FMO5: variants seen among roughly 807,000 people sequenced by gnomAD.
The protein encoded by FMO5 is flavin containing dimethylaniline monoxygenase 5.
FMO5 carries 51 observed loss-of-function variants against 43.6 expected under a neutral mutation model. The observed-to-expected ratio is 1.17, with a 90% CI of 0.93 to 1.48. The LOEUF (loss-of-function observed/expected upper bound fraction) is 1.48, where lower values mean the gene tolerates loss of function less well. FMO5 is among the 40% of genes most tolerant of loss of function. The pLI is 0.00. For synonymous variants in FMO5, 187 were observed against 216.5 expected (o/e 0.86, Z 1.20); for missense variants, 644 against 643.0 (o/e 1.00, Z -0.02).
Position 147,186,951 on chromosome 1 carries a change from G to A in FMO5, c.1551C>T (p.Gly517=). ...AGAAGGCAAGAGCTAGCATAAACTT[G>A]CCTATTGTCATTGTTGAAGTCATAG... is the stretch of plus-strand genomic sequence containing the variant. ...SSSMTSTMTI[G]KFMLALAFFA... is the part of the protein sequence containing the mutation. Residue 517 remains glycine (G), a synonymous_variant, in exon 9 of 9, where the codon GGC becomes GGT. Coordinates refer to ENST00000254090, the MANE Select transcript of FMO5 (RefSeq NM_001461.4). The A allele has an allele frequency of 6.2e-7, 1 of 1,614,152 alleles. No homozygotes were observed. The highest frequency in any genetic ancestry group is 8.5e-7 in the Non-Finnish European group (1 of 1,180,006).
At chr1:147,204,127 A>T in intron 6 of FMO5, 1 of 1,045,980 alleles carries the variant, frequency 9.6e-7, no homozygotes, top group Non-Finnish European at 1.5e-6. Flanking sequence ...CTTCTCCCTT[A>T]CTTAAATTCA....
chr1:147,224,754 C>T (rs1465138104), intron 2 of FMO5, 141 bp downstream of exon 2: 3 of 719,988 alleles, frequency 4.2e-6, no homozygotes, highest in East Asian at 2.6e-5. Flanking sequence ...TCGTGATCCG[C>T]CCGCCTCGGC....
At chr1:147,195,398 G>A (rs587641385) in intron 7 of FMO5, among the ~76,000 whole-genome samples, 1 of 152,118 alleles carries the variant, frequency 6.6e-6, no homozygotes, top group South Asian at 2.1e-4. Context: ...ATCCCAAGGT[G>A]CTGGGATTAC....
At chr1:147,224,824 A>G in intron 2 of FMO5, 71 bp downstream of exon 2, 1 of 1,489,122 alleles carries the variant, frequency 6.7e-7, no homozygotes, top group Non-Finnish European at 9.4e-7. Context: ...TGACACTGTT[A>G]AGATAAACTG....
At chr1:147,226,730 T>C (rs2102141725), upstream of FMO5, among the ~76,000 whole-genome samples, 1 of 152,342 alleles carries the variant, frequency 6.6e-6, no homozygotes, top group East Asian at 1.9e-4. Flanking sequence ...ATCTTGGACT[T>C]TTTCATGAGA....
chr1:147,215,581 T>C, intron 3 of FMO5, 173 bp downstream of exon 3: 1 of 549,836 alleles, frequency 1.8e-6, no homozygotes. Context: ...AGACTGTCCC[T>C]TGAATATTTT....
intron 7 of FMO5, among the ~76,000 whole-genome samples, chr1:147,197,454 G>T (rs1479511486): frequency 6.6e-6 from 1 of 152,100 alleles, no homozygotes; most frequent in African/African-American, 2.4e-5. Flanking sequence ...ATCTTATCTT[G>T]AATTTTGGGT....
At chr1:147,184,340 T>C (rs782715056), downstream of FMO5, 25 of 817,748 alleles carry the variant, frequency 3.1e-5, no homozygotes, top group Middle Eastern at 4.1e-4. This position sits in a 1 kb window ranked among gnomAD's most constrained non-coding sequence, Gnocchi z 4.4. Context: ...GTTGACATTT[T>C]ACATTCCTCT....
At chr1:147,220,319 A>G (rs1368460421) in intron 2 of FMO5, among the ~76,000 whole-genome samples, 1 of 152,224 alleles carries the variant, frequency 6.6e-6, no homozygotes, top group Admixed American at 6.5e-5. Flanking sequence ...ATGGAGAGAT[A>G]TTCTGATTCA....
intron 7 of FMO5, among the ~76,000 whole-genome samples, chr1:147,192,358 T>C (rs1346883736): frequency 6.6e-6 from 1 of 152,136 alleles, no homozygotes; most frequent in South Asian, 2.1e-4. Context: ...TGTACATTGA[T>C]TTTGTATCCT....
intron 5 of FMO5, among the ~76,000 whole-genome samples, chr1:147,211,840 G>T (rs1361077806): frequency 6.6e-6 from 1 of 152,218 alleles, no homozygotes; most frequent in Non-Finnish European, 1.5e-5. Context: ...GCCAGGGCAA[G>T]CTGCTTGCAT....
intron 6 of FMO5, among the ~76,000 whole-genome samples, chr1:147,206,816 GACAAGTTA>G (rs1660159359): frequency 3.4e-5 from 1 of 29,228 alleles, no homozygotes; most frequent in African/African-American, 8.3e-4. Flanking sequence ...TGATGTAAAT[GACAAGTTA>G]ATGGATGTAA....
chr1:147,202,882 GC>G (rs1452340741), intron 6 of FMO5, among the ~76,000 whole-genome samples: 1 of 151,998 alleles, frequency 6.6e-6, no homozygotes, highest in African/African-American at 2.4e-5. Context: ...TGGTCACCAA[GC>G]CTTTTCCCTT....
chr1:147,207,631 A>T (rs1322382562), intron 6 of FMO5, among the ~76,000 whole-genome samples: 1 of 152,164 alleles, frequency 6.6e-6, no homozygotes, highest in African/African-American at 2.4e-5. Context: ...CTCAGTTTTT[A>T]TATTTGTAAA....
chr1:147,210,539 G>C (rs1660912748), intron 5 of FMO5: 1 of 152,078 alleles, frequency 6.6e-6, no homozygotes, highest in South Asian at 2.1e-4. Flanking sequence ...TGATAATTAT[G>C]TACTTCCACA....
chr1:147,212,525 C>T lies in FMO5; in HGVS notation c.498G>A (p.Lys166=), dbSNP rs782026224. The change falls in exon 5 of 9, where the codon AAG becomes AAA. Residue 166 remains lysine, a synonymous_variant. Coordinates refer to ENST00000254090, the MANE Select transcript of FMO5 (RefSeq NM_001461.4). ...GACTGTGGAAGTACTGCCCTTTGAA[C>T]TTCTCAATTCCTGCAAGAGAAGGGA... ...LPLESFPGIE[K]FKGQYFHSRD... The T allele has an allele frequency of 1.2e-6, 2 of 1,612,498 alleles. No individual in the cohort carries two copies. The highest frequency in any genetic ancestry group is 1.7e-6 in the Non-Finnish European group (2 of 1,179,344).
chr1:147,194,732 G>C (rs1329382057), intron 7 of FMO5, among the ~76,000 whole-genome samples: 1 of 151,858 alleles, frequency 6.6e-6, no homozygotes, highest in Admixed American at 6.6e-5. Context: ...GCATTTGCTT[G>C]TCTGTAAAGT....
chr1:147,185,541 A>T (rs1486080130), downstream of FMO5, among the ~76,000 whole-genome samples: 2 of 152,156 alleles, frequency 1.3e-5, no homozygotes, highest in Non-Finnish European at 2.9e-5. Context: ...AATTCGGTGA[A>T]AGGGCCGGCA....
intron 6 of FMO5, among the ~76,000 whole-genome samples, chr1:147,206,746 C>T (rs1348193652): frequency 1.3e-5 from 2 of 152,006 alleles, no homozygotes; most frequent in Admixed American, 6.6e-5. Context: ...GGGAACATCA[C>T]ACACCAGGGC....
Sources: gnomAD v4.1 joint callset for allele counts (sites outside exome capture counted in the v4.1 genomes callset) on GRCh38, gnomAD v4.1.1 for gene constraint, Gnocchi (gnomAD v3.1) non-coding constraint, MANE v1.5 for transcripts, NCBI Gene and HGNC (gene_info 2026-07-23, HGNC 2026-07-21) for gene names.